The following GRID1 variants were observed in gnomAD, a reference collection of about 807,000 sequenced individuals.
The protein encoded by GRID1 is glutamate ionotropic receptor delta type subunit 1.
A neutral mutation model predicts 98.0 loss-of-function variants in GRID1; 28 were observed. The observed-to-expected ratio is 0.29, with a 90% CI of 0.21 to 0.39. The LOEUF (loss-of-function observed/expected upper bound fraction) is 0.39. Among genes scored for constraint, GRID1 ranks in the 10% least tolerant of loss-of-function variants. GRID1 has a pLI of 1.00. For missense variants in GRID1, 1,111 were observed against 1,340.5 expected, an observed-to-expected ratio of 0.83 and a Z score of 2.67; for synonymous variants, 553 against 538.5, an observed-to-expected ratio of 1.03 and a Z score of -0.37.
At chr10:85,876,708 C>T (rs1463726233) in intron 5 of GRID1, among the ~76,000 whole-genome samples, 1 of 152,170 alleles carries the variant, frequency 6.6e-6, no homozygotes, top group Admixed American at 6.5e-5. Context: ...TCTGCATTTC[C>T]ATCTGGGGTA....
intron 4 of GRID1, among the ~76,000 whole-genome samples, chr10:85,996,224 G>A (rs78073377): frequency 0.02 from 3,058 of 152,234 alleles, 58 homozygotes; most frequent in African/African-American, 0.046. Flanking sequence ...AAACTCACAT[G>A]GGAAAAGATA....
intron 2 of GRID1, among the ~76,000 whole-genome samples, chr10:86,267,187 C>T (rs1400226506): frequency 6.6e-6 from 1 of 152,258 alleles, no homozygotes; most frequent in Non-Finnish European, 1.5e-5. Flanking sequence ...CCCCTGCAAG[C>T]TGGATATTAT....
intron 4 of GRID1, among the ~76,000 whole-genome samples, chr10:86,120,554 A>G (rs1373319307): frequency 6.6e-6 from 1 of 152,228 alleles, no homozygotes; most frequent in Non-Finnish European, 1.5e-5. Context: ...AAAGGGTGGC[A>G]TGAAAAATCA....
At position 85,619,992 on chromosome 10, in the gene GRID1, C is replaced by G. The variant is rs1340675199; in HGVS notation, c.2235G>C (p.Val745=). The G allele has an allele frequency of 6.2e-7, 1 of 1,614,108 alleles. No individual in the cohort carries two copies. The highest frequency in any genetic ancestry group is 8.5e-7 in the Non-Finnish European group (1 of 1,179,950). ...CATCCGTCAGGGCTGCGTATTCCAC[C>G]ACGGCCACATCCCACAGGAAGGCGT... ...GNYAFLWDVA[V]VEYAALTDDD... The change falls in exon 14 of 16, where the codon GTG becomes GTC. Residue 745 remains valine (V), a synonymous_variant. Coordinates refer to ENST00000327946, the MANE Select transcript of GRID1 (RefSeq NM_017551.3).
At chr10:86,220,658 A>G (rs989989791) in intron 2 of GRID1, among the ~76,000 whole-genome samples, 2 of 152,140 alleles carry the variant, frequency 1.3e-5, no homozygotes, top group Non-Finnish European at 2.9e-5. Flanking sequence ...CCCAGGTGCA[A>G]TTCTGCAGGT....
At chr10:85,875,156 G>C (rs571432451) in intron 5 of GRID1, among the ~76,000 whole-genome samples, 21 of 152,286 alleles carry the variant, frequency 1.4e-4, no homozygotes, top group African/African-American at 5.1e-4. Flanking sequence ...GGGATTACAG[G>C]TGTCAGCTAT....
At chr10:85,808,020 GAAC>G in intron 8 of GRID1, among the ~76,000 whole-genome samples, 1 of 151,970 alleles carries the variant, frequency 6.6e-6, no homozygotes, top group Non-Finnish European at 1.5e-5. Context: ...TATTTAAACT[GAAC>G]AACACTTCAG....
chr10:85,700,763 G>A (rs756856692), intron 12 of GRID1, among the ~76,000 whole-genome samples: 3 of 152,148 alleles, frequency 2.0e-5, no homozygotes, highest in Admixed American at 1.3e-4. Flanking sequence ...GGTAAAAATT[G>A]CTTAATGTAA....
At chr10:85,782,236 A>T (rs1395021826) in intron 8 of GRID1, among the ~76,000 whole-genome samples, 2 of 151,842 alleles carry the variant, frequency 1.3e-5, no homozygotes, top group African/African-American at 4.8e-5. Context: ...ATGCACACAC[A>T]CACACACACA....
chr10:85,749,757 C>A (rs1269775890), intron 8 of GRID1, among the ~76,000 whole-genome samples: 2 of 152,176 alleles, frequency 1.3e-5, no homozygotes, highest in South Asian at 2.1e-4. Context: ...AGCCTTTGTA[C>A]ATGCTCTCCT....
chr10:85,732,091 C>A (rs1466979197), intron 8 of GRID1, among the ~76,000 whole-genome samples: 1 of 152,152 alleles, frequency 6.6e-6, no homozygotes, highest in African/African-American at 2.4e-5. Context: ...TGCCTCTATT[C>A]TTTGGATGTT....
chr10:85,878,557 G>C (rs893366783), intron 5 of GRID1, among the ~76,000 whole-genome samples: 1 of 152,066 alleles, frequency 6.6e-6, no homozygotes, highest in Non-Finnish European at 1.5e-5. Flanking sequence ...ATACTTTACA[G>C]ACAAGCAAAT....
intron 4 of GRID1, among the ~76,000 whole-genome samples, chr10:86,059,095 G>A (rs1024003649): frequency 2.0e-5 from 3 of 152,178 alleles, no homozygotes; most frequent in East Asian, 1.9e-4. Context: ...GAAGCAGCAC[G>A]TGCAAAGCCC....
intron 4 of GRID1, among the ~76,000 whole-genome samples, chr10:86,128,235 C>T (rs1436295575): frequency 6.6e-6 from 1 of 152,052 alleles, no homozygotes; most frequent in Non-Finnish European, 1.5e-5. Flanking sequence ...GGTGCTCTGC[C>T]CTGCCTTTTC....
intron 8 of GRID1, among the ~76,000 whole-genome samples, chr10:85,775,186 T>C (rs1842317357): frequency 6.6e-6 from 1 of 152,062 alleles, no homozygotes; most frequent in Non-Finnish European, 1.5e-5. Context: ...GGGATATGGA[T>C]GAAAGTGGAA....
At chr10:86,321,789 A>G (rs542813777) in intron 2 of GRID1, among the ~76,000 whole-genome samples, 1 of 152,270 alleles carries the variant, frequency 6.6e-6, no homozygotes, top group East Asian at 1.9e-4. Context: ...AGGTCAGTGG[A>G]GCCCATACCC....
chr10:86,224,886 G>A (rs555330947), intron 2 of GRID1, among the ~76,000 whole-genome samples: 48 of 152,274 alleles, frequency 3.2e-4, no homozygotes, highest in Middle Eastern at 3.4e-3. Context: ...CAGCTCAGCC[G>A]GGGCATTATC....
At chr10:85,703,364 T>C (rs966789461) in intron 12 of GRID1, among the ~76,000 whole-genome samples, 4 of 151,938 alleles carry the variant, frequency 2.6e-5, no homozygotes, top group East Asian at 1.9e-4. Flanking sequence ...AATTGGAGCA[T>C]AGAATTCAGT....
intron 4 of GRID1, among the ~76,000 whole-genome samples, chr10:85,957,633 C>G (rs1161033818): frequency 6.6e-6 from 1 of 152,304 alleles, no homozygotes; most frequent in East Asian, 1.9e-4. Context: ...AGTCTTGACA[C>G]CCTGAGCCCA....
Sources: allele counts gnomAD v4.1 joint callset (sites outside exome capture counted in the v4.1 genomes callset), GRCh38; gene constraint gnomAD v4.1.1; transcripts MANE v1.5; gene names NCBI Gene and HGNC (gene_info 2026-07-23, HGNC 2026-07-21).